The following KGD4 variants were observed in gnomAD, a reference collection of about 807,000 sequenced individuals.
KGD4 encodes the protein alpha-ketoglutarate dehydrogenase component 4.
the KGD4 span, among the ~76,000 whole-genome samples, chr5:69,223,476 A>G: frequency 6.6e-6 from 1 of 152,108 alleles, no homozygotes; most frequent in African/African-American, 2.4e-5. Flanking sequence ...ACAGTGGTGA[A>G]TTTTTAGGCC....
the KGD4 span, among the ~76,000 whole-genome samples, chr5:69,229,013 C>A: frequency 1.1e-5 from 1 of 89,206 alleles, no homozygotes; most frequent in Non-Finnish European, 2.0e-5. Flanking sequence ...ACTCCGGAAA[C>A]TCCATCTCAA....
At chr5:69,224,991 T>C in the KGD4 span, among the ~76,000 whole-genome samples, 1 of 150,778 alleles carries the variant, frequency 6.6e-6, no homozygotes, top group Non-Finnish European at 1.5e-5. Flanking sequence ...GGAGAATCGC[T>C]TGAACACAGG....
chr5:69,228,941 G>A, the KGD4 span, among the ~76,000 whole-genome samples: 1 of 150,826 alleles, frequency 6.6e-6, no homozygotes, highest in Non-Finnish European at 1.5e-5. Flanking sequence ...CTTGAACCCG[G>A]GAGGCGGAGG....
the KGD4 span, chr5:69,226,293 TTTAG>T: frequency 7.5e-7 from 1 of 1,332,990 alleles, no homozygotes; most frequent in African/African-American, 1.5e-5. Context: ...GATCATTTCT[TTTAG>T]TTAATGAGAT....
At chr5:69,229,912 TTTA>T in the KGD4 span, 1 of 151,814 alleles carries the variant, frequency 6.6e-6, no homozygotes, top group African/African-American at 2.4e-5. Context: ...GAAATTGCAA[TTTA>T]TTATGTTTTG....
chr5:69,221,932 CAAGGCGGGCAGATCACCTGAGGTCAGGA>C, the KGD4 span, among the ~76,000 whole-genome samples: 2 of 148,766 alleles, frequency 1.3e-5, no homozygotes, highest in African/African-American at 4.9e-5. Context: ...TTTGGGAGAC[CAAGGCGGGCAGATCACCTGAGGTCAGGA>C]GTTCGAGACC....
At chr5:69,220,410 C>T in the KGD4 span, among the ~76,000 whole-genome samples, 1 of 152,030 alleles carries the variant, frequency 6.6e-6, no homozygotes, top group African/African-American at 2.4e-5. Flanking sequence ...ACTCCCAACA[C>T]TTTGGAAAGC....
At chr5:69,229,891 A>T in the KGD4 span, 1 of 152,016 alleles carries the variant, frequency 6.6e-6, no homozygotes, top group Non-Finnish European at 1.5e-5. Context: ...ATAGGAATAA[A>T]GATTTCACTA....
the KGD4 span, among the ~76,000 whole-genome samples, chr5:69,221,721 A>AT: frequency 6.6e-6 from 1 of 152,280 alleles, no homozygotes; most frequent in Admixed American, 6.5e-5. Flanking sequence ...CTTTTTAGAT[A>AT]TAACACCAAA....
chr5:69,220,642 G>A, the KGD4 span, among the ~76,000 whole-genome samples: 1 of 152,170 alleles, frequency 6.6e-6, no homozygotes, highest in Non-Finnish European at 1.5e-5. Flanking sequence ...AATCTTCCAA[G>A]TGTGAAGTGA....
At chr5:69,220,042 CAAAA>C in the KGD4 span, among the ~76,000 whole-genome samples, 1 of 151,840 alleles carries the variant, frequency 6.6e-6, no homozygotes, top group Non-Finnish European at 1.5e-5. Flanking sequence ...CCAGCCTGGG[CAAAA>C]TAGCAAGACC....
the KGD4 span, among the ~76,000 whole-genome samples, chr5:69,220,563 T>G: frequency 5.3e-5 from 8 of 151,120 alleles, no homozygotes; most frequent in Middle Eastern, 3.4e-3. Context: ...GTCTGGGATG[T>G]GAGGAGCGCC....
At chr5:69,226,847 C>CAA in the KGD4 span, among the ~76,000 whole-genome samples, 1 of 135,580 alleles carries the variant, frequency 7.4e-6, no homozygotes, top group Admixed American at 7.3e-5. Context: ...GACTTTGTCT[C>CAA]AAAAAAAAAA....
the KGD4 span, chr5:69,217,866 G>C: frequency 6.2e-7 from 1 of 1,613,946 alleles, no homozygotes; most frequent in East Asian, 2.2e-5. Flanking sequence ...TAGTAGGGTC[G>C]TTCAGGTAAA....
the KGD4 span, chr5:69,226,430 T>A: frequency 1.4e-6 from 2 of 1,399,420 alleles, no homozygotes; most frequent in Non-Finnish European, 1.0e-6. Flanking sequence ...AAATTTCTTT[T>A]AAAATTGTGT....
At chr5:69,219,560 G>A in the KGD4 span, among the ~76,000 whole-genome samples, 4 of 152,146 alleles carry the variant, frequency 2.6e-5, no homozygotes, top group Admixed American at 6.6e-5. Context: ...AATACTAACA[G>A]CTGATGTGTG....
At chr5:69,225,262 ATTT>A in the KGD4 span, among the ~76,000 whole-genome samples, 22 of 104,296 alleles carry the variant, frequency 2.1e-4, no homozygotes, top group African/African-American at 4.8e-4. Flanking sequence ...ATAGCACCAC[ATTT>A]TTTTTTTTTT....
chr5:69,221,957 A>T, the KGD4 span, among the ~76,000 whole-genome samples: 1 of 33,582 alleles, frequency 3.0e-5, no homozygotes, highest in Non-Finnish European at 5.5e-5. Context: ...ACCTGAGGTC[A>T]GGAGTTCGAG....
the KGD4 span, among the ~76,000 whole-genome samples, chr5:69,221,325 C>T: frequency 2.6e-4 from 40 of 152,180 alleles, 1 homozygote; most frequent in South Asian, 7.3e-3. Context: ...CACGATCACT[C>T]CACTGCACCC....
Sources: allele counts gnomAD v4.1 joint callset (sites outside exome capture counted in the v4.1 genomes callset), GRCh38; gene constraint gnomAD v4.1.1; transcripts MANE v1.5; gene names NCBI Gene and HGNC (gene_info 2026-07-23, HGNC 2026-07-21).